Variants in SNRPA1 observed in about 807,000 individuals in gnomAD.
The protein encoded by SNRPA1 is small nuclear ribonucleoprotein polypeptide A'.
A neutral mutation model predicts 32.3 loss-of-function variants in SNRPA1; 5 were observed. That is an observed-to-expected ratio of 0.15 (90% CI 0.08 to 0.33). SNRPA1 has a LOEUF of 0.33. Ranked by LOEUF, SNRPA1 falls within the 10% of genes least tolerant of loss-of-function variation. SNRPA1 has a pLI of 1.00. For synonymous variants in SNRPA1, 111 were observed against 120.1 expected (o/e 0.92, Z 0.50); for missense variants, 198 against 311.1 (o/e 0.64, Z 2.74).
intron 8 of SNRPA1, among the ~76,000 whole-genome samples, chr15:101,283,357 G>A (rs1368250203): frequency 6.6e-6 from 1 of 151,388 alleles, no homozygotes; most frequent in African/African-American, 2.4e-5. Context: ...GACCATCCTG[G>A]CTAACATGTG....
chr15:101,295,156 A>G lies in SNRPA1; in HGVS notation c.23T>C (p.Leu8Pro). Residue 8 changes from leucine to proline, a missense_variant, in exon 1 of 9, where the codon CTG (leucine) becomes CCG (proline). Transcript: ENST00000254193. MVKLTAE[L>P]IEQAAQYTNA... ...GGTGTACTGCGCCGCCTGCTCGATC[A>G]GCTCCGCCGTCAGCTTGACCATCCT... The G allele has an allele frequency of 6.4e-7, 1 of 1,556,860 alleles. No individual in the cohort carries two copies. The highest frequency in any genetic ancestry group is 8.7e-7 in the Non-Finnish European group (1 of 1,155,886).
chr15:101,286,348 G>C (rs2039454534), intron 5 of SNRPA1, 55 bp from the exon 6 acceptor site: 1 of 1,478,242 alleles, frequency 6.8e-7, no homozygotes, highest in Admixed American at 1.7e-5. Context: ...CATGCATTTA[G>C]ATGCATTCCT....
At chr15:101,285,102 C>G (rs760893171) in intron 7 of SNRPA1, 42 bp from the exon 8 acceptor site, 1 of 1,413,692 alleles carries the variant, frequency 7.1e-7, no homozygotes, top group African/African-American at 1.4e-5. Flanking sequence ...TTAACTTCAA[C>G]CAAGTATCAG....
chr15:101,288,799 G>T (rs1221572321), intron 3 of SNRPA1, among the ~76,000 whole-genome samples: 2 of 152,198 alleles, frequency 1.3e-5, no homozygotes, highest in Non-Finnish European at 2.9e-5. Flanking sequence ...GAACTCCAGT[G>T]ACTGAGAAAA....
chr15:101,292,590 TA>T (rs10581943), intron 2 of SNRPA1, among the ~76,000 whole-genome samples: 5,905 of 146,254 alleles, frequency 0.04, 324 homozygotes, highest in African/African-American at 0.13. Context: ...TAGTTGCAGT[TA>T]AAAAAAAAAA....
intron 8 of SNRPA1, among the ~76,000 whole-genome samples, chr15:101,283,647 C>G (rs1443220661): frequency 6.6e-6 from 1 of 150,760 alleles, no homozygotes; most frequent in Non-Finnish European, 1.5e-5. Flanking sequence ...AATTACTGGT[C>G]TTAAAAAATT....
intron 7 of SNRPA1, 90 bp from the exon 8 acceptor site, chr15:101,285,150 T>G: frequency 2.4e-6 from 2 of 820,466 alleles, no homozygotes; most frequent in Non-Finnish European, 4.2e-6. Flanking sequence ...CTACAGAAAT[T>G]CACAGCAACT....
intron 7 of SNRPA1, 105 bp downstream of exon 7, chr15:101,285,621 G>A (rs1375670148): frequency 2.6e-6 from 2 of 773,236 alleles, no homozygotes; most frequent in Non-Finnish European, 2.2e-6. Context: ...GCTAATAACT[G>A]TGGGAAAATG....
chr15:101,284,595 C>T (rs28582153), intron 8 of SNRPA1: 4,306 of 164,772 alleles, frequency 0.026, 199 homozygotes, highest in African/African-American at 0.098. Flanking sequence ...CTCCACCTCC[C>T]GGGTTCAAGC....
At position 101,293,125 on chromosome 15, in the gene SNRPA1, A is replaced by C; in HGVS notation, c.130T>G (p.Phe44Val). Residue 44 changes from phenylalanine (F) to valine (V), a missense_variant, in exon 2 of 9, where the codon TTT (phenylalanine) becomes GTT (valine). Physicochemically the swap from Phe to Val is conservative, Grantham distance 50 (BLOSUM62 -1). Around this residue, in one of 3 missense-constraint regions of SNRPA1, gnomAD observed 119 missense variants for 171.6 expected, o/e 0.69. Transcript: ENST00000254193. ...TTGTCAGAAAAATCAATAGCATCAA[A>C]CTGGTCTAACGTAGCACCTAGATTT... ...IENLGATLDQ[F>V]DAIDFSDNEI... 1.2e-6 allele frequency: 2 copies of C among 1,612,050 alleles called. No homozygotes were observed. The highest frequency in any genetic ancestry group is 2.7e-5 in the African/African-American group (2 of 75,024).
At chr15:101,292,139 T>C (rs942506899) in intron 2 of SNRPA1, 99 bp from the exon 3 acceptor site, 5 of 824,902 alleles carry the variant, frequency 6.1e-6, no homozygotes, top group Non-Finnish European at 8.1e-6. Context: ...CACTTAGAGA[T>C]CCTTCTTCCA....
At position 101,287,953 on chromosome 15, in the gene SNRPA1, A is replaced by G; in HGVS notation, c.310-251T>C. The G allele has an allele frequency of 2.3e-5, 10 of 429,572 alleles. No individual in the cohort carries two copies. The South Asian group carries it at 2.5e-4, about 11-fold the overall frequency. The allele number at this position is 429,572 out of a possible 1,614,324, so 26.6% of individuals were successfully genotyped here. On this transcript the variant is annotated intron_variant, in intron 3 of 8. Transcript: ENST00000254193. The stretch of plus-strand genomic sequence containing the variant: ...AGGAGATAAGAAATTGCTTTCCTAC[A>G]GGAATCTCAAAGTGGCTGCTGAGCC...
chr15:101,284,798 A>T, intron 8 of SNRPA1, 169 bp downstream of exon 8: 1 of 565,510 alleles, frequency 1.8e-6, no homozygotes, highest in Non-Finnish European at 3.2e-6. Flanking sequence ...CACTGCACCC[A>T]ACCCATCAAA....
intron 8 of SNRPA1, among the ~76,000 whole-genome samples, chr15:101,284,287 G>A (rs1460789569): frequency 2.0e-5 from 3 of 152,208 alleles, no homozygotes; most frequent in Non-Finnish European, 4.4e-5. Context: ...CTTGTCCAAA[G>A]GCAGAGCTGG....
chr15:101,291,031 C>A (rs2039520484), intron 3 of SNRPA1, among the ~76,000 whole-genome samples: 1 of 152,104 alleles, frequency 6.6e-6, no homozygotes, highest in South Asian at 2.1e-4. Context: ...TGAGCCACTG[C>A]ACCCGGCTTT....
In SNRPA1 at chr15:101,293,011, C is replaced by A; in HGVS notation, c.230+14G>T. On this transcript the variant is annotated intron_variant, in intron 2 of 8. Coordinates refer to ENST00000254193, the MANE Select transcript of SNRPA1 (RefSeq NM_003090.4). ...CTCTAGGGGAAAAAATTACTTTCCC[C>A]TACAGACACGTACCATATTCTGTTG... The A allele has an allele frequency of 6.3e-7, 1 of 1,581,326 alleles. No homozygotes were observed. The highest frequency in any genetic ancestry group is 8.6e-7 in the Non-Finnish European group (1 of 1,163,996).
chr15:101,293,364 TCAAGTCC>T, intron 1 of SNRPA1, 192 bp from the exon 2 acceptor site: 1 of 454,614 alleles, frequency 2.2e-6, no homozygotes. Flanking sequence ...TGAACGAGTC[TCAAGTCC>T]CCAGTGCCAT....
chr15:101,293,022 T>C lies in SNRPA1; in HGVS notation c.230+3A>G, dbSNP rs2039544583. The C allele has an allele frequency of 6.2e-7, 1 of 1,602,230 alleles. No individual in the cohort carries two copies. The highest frequency in any genetic ancestry group is 1.7e-5 in the Admixed American group (1 of 58,602). ...AAAATTACTTTCCCCTACAGACACG[T>C]ACCATATTCTGTTGTTGTTCACTAA... On this transcript the variant is annotated splice_donor_region_variant and intron_variant, in intron 2 of 8. Coordinates refer to ENST00000254193, the MANE Select transcript of SNRPA1 (RefSeq NM_003090.4).
Position 101,286,890 on chromosome 15 carries a change from C to T in SNRPA1, c.459+18G>A. 7.7e-7 allele frequency: 1 copy of T among 1,304,196 alleles called. No individual in the cohort carries two copies. Among genetic ancestry groups the T allele is most frequent in the Admixed American group, 1.7e-5 (1 of 57,144 alleles). The allele number at this position is 1,304,196 out of a possible 1,614,324, so 80.8% of individuals were successfully genotyped here. On this transcript the variant is annotated intron_variant, in intron 5 of 8. Coordinates refer to ENST00000254193, the MANE Select transcript of SNRPA1 (RefSeq NM_003090.4). ...ACACAACTCTATAATGGCTCACAAG[C>T]AACAGATTACTACTTACTTTTAGTT...
Sources: gnomAD v4.1 joint callset for allele counts (sites outside exome capture counted in the v4.1 genomes callset) on GRCh38, gnomAD v4.1.1 for gene constraint, gnomAD v4.1.1 regional missense constraint, MANE v1.5 for transcripts, NCBI Gene and HGNC (gene_info 2026-07-23, HGNC 2026-07-21) for gene names.